The following CLIC5 variants were observed in gnomAD, a reference collection of about 807,000 sequenced individuals.
CLIC5 encodes the protein chloride intracellular channel protein 5.
Under a neutral mutation model 24.7 loss-of-function variants are expected in CLIC5, and 20 were observed. That is an observed-to-expected ratio of 0.81 (90% CI 0.57 to 1.18). CLIC5 has a LOEUF of 1.18. CLIC5 is among the 50% of genes most tolerant of loss of function. CLIC5 has a pLI of 0.00. For synonymous variants in CLIC5, 159 were observed against 135.6 expected (o/e 1.17, Z -1.20); for missense variants, 341 against 326.1 (o/e 1.05, Z -0.35).
upstream of CLIC5, among the ~76,000 whole-genome samples, chr6:46,020,292 T>G (rs188979597): frequency 4.6e-5 from 7 of 152,294 alleles, no homozygotes; most frequent in East Asian, 1.3e-3. Context: ...CACTTCCAGT[T>G]ATTTGGAAAT....
At chr6:46,128,185 A>T in the CLIC5 span, among the ~76,000 whole-genome samples, 4 of 152,142 alleles carry the variant, frequency 2.6e-5, no homozygotes, top group Admixed American at 6.5e-5. Context: ...TCTGTTCCTG[A>T]CCACTTTATC....
chr6:46,126,982 A>C, the CLIC5 span, among the ~76,000 whole-genome samples: 49 of 152,328 alleles, frequency 3.2e-4, no homozygotes, highest in Admixed American at 1.6e-3. Context: ...TTAATGAATA[A>C]ATGTTCAGTC....
chr6:46,010,410 C>T (rs556085367), intron 1 of CLIC5, among the ~76,000 whole-genome samples: 6 of 152,290 alleles, frequency 3.9e-5, no homozygotes, highest in African/African-American at 1.4e-4. Flanking sequence ...AGAGGTCAAG[C>T]AGCCCATCCT....
the CLIC5 span, among the ~76,000 whole-genome samples, chr6:46,092,529 A>G: frequency 6.6e-6 from 1 of 152,200 alleles, no homozygotes; most frequent in East Asian, 1.9e-4. Context: ...CTTTAACTCA[A>G]GTCTTGGCTC....
chr6:45,926,204 C>T (rs1763478914), intron 4 of CLIC5, among the ~76,000 whole-genome samples: 1 of 150,024 alleles, frequency 6.7e-6, no homozygotes, highest in Non-Finnish European at 1.5e-5. Context: ...TACACACACA[C>T]ACACACATAT....
In CLIC5 at chr6:45,943,270, C is replaced by T. The variant is rs80035428; in HGVS notation, c.300-1617G>A. Among the ~76,000 whole-genome samples, 1,520 of 152,344 alleles carry T rather than the reference C, an allele frequency of 1.0e-2. 17 individuals are homozygous for T. The highest frequency in any genetic ancestry group is 0.034 in the African/African-American group (1,430 of 41,576). ...ACATTGTGTGGCTTCTCATAAACTC[C>T]GCTGTTGATTCTCAAAGCCCCAGAA... is the stretch of plus-strand genomic sequence containing the variant. On this transcript the variant is annotated intron_variant, in intron 3 of 5. Coordinates refer to ENST00000339561, the MANE Select transcript of CLIC5 (RefSeq NM_016929.5).
chr6:46,114,411 C>G, the CLIC5 span, among the ~76,000 whole-genome samples: 1 of 152,318 alleles, frequency 6.6e-6, no homozygotes, highest in South Asian at 2.1e-4. Flanking sequence ...CAAACCTATA[C>G]TTATTGCACC....
chr6:45,897,199 C>A (rs1398635039), downstream of CLIC5, among the ~76,000 whole-genome samples: 2 of 152,158 alleles, frequency 1.3e-5, no homozygotes, highest in Non-Finnish European at 2.9e-5. Context: ...GCCTCATACC[C>A]ACAATCAGAA....
At chr6:45,999,944 G>A (rs1217476148) in intron 1 of CLIC5, among the ~76,000 whole-genome samples, 2 of 51,894 alleles carry the variant, frequency 3.9e-5, no homozygotes, top group Non-Finnish European at 7.4e-5. Context: ...TAGAGACGGG[G>A]TTTCACCTTG....
chr6:46,051,045 T>C (rs1261002180), intron 1 of CLIC5, among the ~76,000 whole-genome samples: 1 of 152,186 alleles, frequency 6.6e-6, no homozygotes, highest in Non-Finnish European at 1.5e-5. Context: ...AAAAAGATTT[T>C]TCTGTCTGCC....
rs190301612 is a variant in CLIC5 at position 45,983,588 on chromosome 6, A to C, written c.64-28344T>G. ...TGGGATCTCTGAGAAGACACATAGAAGATTCAGGTATGGACTGGCTGGCAT... is the reference window on the plus strand; with the variant it reads ...TGGGATCTCTGAGAAGACACATAGACGATTCAGGTATGGACTGGCTGGCAT... On this transcript the variant is annotated intron_variant, in intron 1 of 5. Transcript: ENST00000339561. Among the ~76,000 whole-genome samples, 3 of 152,308 alleles carry C rather than the reference A, an allele frequency of 2.0e-5. No homozygotes were observed. The East Asian group carries it at 5.8e-4, about 29-fold the overall frequency.
intron 1 of CLIC5, among the ~76,000 whole-genome samples, chr6:46,005,944 T>C (rs903904894): frequency 2.7e-5 from 4 of 147,188 alleles, no homozygotes; most frequent in African/African-American, 1.0e-4. Context: ...CATTTTGTCA[T>C]AGCAGCTCAA....
chr6:45,972,880 G>GA (rs1290343948), intron 1 of CLIC5, among the ~76,000 whole-genome samples: 1 of 152,050 alleles, frequency 6.6e-6, no homozygotes, highest in Non-Finnish European at 1.5e-5. Context: ...TCTTGGTTAG[G>GA]AAAAACAAAA....
chr6:45,968,433 G>C (rs1765087610), intron 1 of CLIC5, among the ~76,000 whole-genome samples: 1 of 151,992 alleles, frequency 6.6e-6, no homozygotes, highest in Non-Finnish European at 1.5e-5. Flanking sequence ...AAGGAAGAAG[G>C]GCAACAATAG....
intron 1 of CLIC5, among the ~76,000 whole-genome samples, chr6:46,053,858 T>C (rs1327321050): frequency 6.6e-6 from 1 of 152,150 alleles, no homozygotes; most frequent in African/African-American, 2.4e-5. Flanking sequence ...AGCCCTGTAA[T>C]TGAGATTTGA....
chr6:45,988,652 G>C (rs1390030336), intron 1 of CLIC5, among the ~76,000 whole-genome samples: 1 of 152,170 alleles, frequency 6.6e-6, no homozygotes, highest in Non-Finnish European at 1.5e-5. Context: ...GTTTTAGCAG[G>C]GTTCTATTAA....
rs1023117010 is a variant in CLIC5 at position 45,900,936 on chromosome 6, T to C, written c.*2152A>G. On this transcript the variant is annotated 3_prime_UTR_variant, in exon 6 of 6. Transcript: ENST00000339561. ...CAGACTTCTCTGGGGTGGAGTGGCC[T>C]CACCGGAGGCTTGGTTCTGTTTTCT... 1 of 152,206 alleles carries C rather than the reference T, an allele frequency of 6.6e-6. No individual in the cohort carries two copies. Among genetic ancestry groups the C allele is most frequent in the African/African-American group, 2.4e-5 (1 of 41,444 alleles). The allele number at this position is 152,206 out of a possible 1,614,324, so 9.4% of individuals were successfully genotyped here.
chr6:46,076,292 C>T (rs924186822), intron 1 of CLIC5, among the ~76,000 whole-genome samples: 5 of 152,220 alleles, frequency 3.3e-5, no homozygotes, highest in African/African-American at 1.2e-4. Flanking sequence ...CCGTCACTCT[C>T]CATCCGCCAA....
intron 1 of CLIC5, among the ~76,000 whole-genome samples, chr6:46,062,130 C>T (rs527445466): frequency 6.6e-6 from 1 of 152,340 alleles, no homozygotes; most frequent in African/African-American, 2.4e-5. Flanking sequence ...TAAACAGCCA[C>T]ATGCGCTAAT....
Sources: allele counts gnomAD v4.1 joint callset (sites outside exome capture counted in the v4.1 genomes callset), GRCh38; gene constraint gnomAD v4.1.1; transcripts MANE v1.5; gene names NCBI Gene and HGNC (gene_info 2026-07-23, HGNC 2026-07-21).